CTTN: variants seen among roughly 807,000 people sequenced by gnomAD.
CTTN encodes src substrate cortactin.
Under a neutral mutation model 84.0 loss-of-function variants are expected in CTTN, and 28 were observed. The ratio of observed to expected loss-of-function variants is 0.33; its 90% CI spans 0.25 to 0.46. The LOEUF (loss-of-function observed/expected upper bound fraction) is 0.46. Among genes scored for constraint, CTTN ranks in the 20% least tolerant of loss-of-function variants. CTTN has a pLI of 1.00. For missense variants in CTTN, 641 were observed against 723.8 expected (o/e 0.89, Z 1.31); for synonymous variants, 301 against 288.8 (o/e 1.04, Z -0.43).
intron 1 of CTTN, among the ~76,000 whole-genome samples, chr11:70,401,305 CT>C (rs1276535862): frequency 1.5e-5 from 2 of 137,478 alleles, no homozygotes; most frequent in East Asian, 2.0e-4. Context: ...ACCGTCTCTA[CT>C]AAAAAAAAAA....
chr11:70,435,254 T>A lies in CTTN; in HGVS notation c.*92T>A. The A allele has an allele frequency of 1.0e-5, 2 of 196,684 alleles. No homozygotes were observed. Among genetic ancestry groups the A allele is most frequent in the Non-Finnish European group, 1.3e-5 (2 of 151,548 alleles). 12.2% of individuals were successfully genotyped at this position (196,684 alleles called of 1,614,324 possible). A position where few individuals can be genotyped will look rare whatever the true frequency, so the allele number is the denominator to read the frequency against. On this transcript the variant is annotated 3_prime_UTR_variant, in exon 18 of 18. Coordinates refer to ENST00000301843, the MANE Select transcript of CTTN (RefSeq NM_005231.4). ...CTTGGGTGGTTTTGGGTTTTTTCTG[T>A]TTTTTTTTTTTTTTTTTTTTTTTTG...
chr11:70,414,474 C>T (rs1429323556), intron 5 of CTTN, 68 bp from the exon 6 acceptor site: 2 of 1,181,928 alleles, frequency 1.7e-6, no homozygotes, highest in Admixed American at 1.7e-5. Context: ...CCCAGCCCTG[C>T]TCTGGGAGGA....
At chr11:70,417,173 C>A in intron 8 of CTTN, 50 bp downstream of exon 8, 1 of 1,389,680 alleles carries the variant, frequency 7.2e-7, no homozygotes, top group Non-Finnish European at 1.0e-6. Context: ...CAGAAACACC[C>A]ACGAGGGCAT....
At chr11:70,416,676 G>C in intron 7 of CTTN, 1 of 204,516 alleles carries the variant, frequency 4.9e-6, no homozygotes, top group East Asian at 1.2e-4. Flanking sequence ...CAAGTGATCC[G>C]CCCACCTCAG....
chr11:70,429,382 GTC>G (rs1234355719), intron 14 of CTTN, among the ~76,000 whole-genome samples, 183 bp downstream of exon 14: 1 of 152,194 alleles, frequency 6.6e-6, no homozygotes, highest in African/African-American at 2.4e-5. Context: ...CATAGGCTGA[GTC>G]TCTGGCCACA....
At chr11:70,434,430 G>A (rs149600949) in intron 17 of CTTN, among the ~76,000 whole-genome samples, 130 of 152,406 alleles carry the variant, frequency 8.5e-4, no homozygotes, top group African/African-American at 2.8e-3. Context: ...TGCCTCTTGA[G>A]TGCTTCCCGT....
intron 5 of CTTN, among the ~76,000 whole-genome samples, chr11:70,412,105 G>T (rs562834326): frequency 6.8e-4 from 104 of 152,300 alleles, no homozygotes; most frequent in African/African-American, 2.5e-3. Flanking sequence ...CTCAGCTCAG[G>T]TCAGCACCAT....
chr11:70,430,540 G>A lies in CTTN; in HGVS notation c.1177-651G>A, dbSNP rs1428830716. On this transcript the variant is annotated intron_variant, in intron 14 of 17. Transcript: ENST00000301843. ...TCTCAGGACCTTGTGATTACATTGG[G>A]TCCACCCAGGCAGTCCAGAGTTCTC... Among the ~76,000 whole-genome samples, 3 of 152,114 alleles carry A rather than the reference G, an allele frequency of 2.0e-5. No individual in the cohort carries two copies. The East Asian group carries it at 5.8e-4, about 29-fold the overall frequency.
chr11:70,424,796 C>T (rs1231137040), intron 12 of CTTN, among the ~76,000 whole-genome samples: 1 of 152,040 alleles, frequency 6.6e-6, no homozygotes, highest in African/African-American at 2.4e-5. Context: ...GTGTTCTCAT[C>T]AGAGGTAGTG....
chr11:70,432,252 G>A (rs1263906741), intron 15 of CTTN, among the ~76,000 whole-genome samples: 1 of 152,192 alleles, frequency 6.6e-6, no homozygotes, highest in Non-Finnish European at 1.5e-5. Flanking sequence ...CCCCTTGGCA[G>A]CCAGCGCCAT....
intron 16 of CTTN, 21 bp downstream of exon 16, chr11:70,433,299 A>G: frequency 6.3e-7 from 1 of 1,593,944 alleles, no homozygotes; most frequent in Non-Finnish European, 8.5e-7. Flanking sequence ...CCCACGCTGC[A>G]GCGCCCTGCC....
rs770726267 is a variant in CTTN at position 70,420,649 on chromosome 11, C to G, written c.790+139C>G. On this transcript the variant is annotated intron_variant, in intron 10 of 17. Coordinates refer to ENST00000301843, the MANE Select transcript of CTTN (RefSeq NM_005231.4). Reference sequence around the variant, plus strand: ...CACTGTTTGAAGTTGTCCTGTGTGCCCCCCCAATCCCCCAGTTCCCTCCAG... The same window carrying G: ...CACTGTTTGAAGTTGTCCTGTGTGCGCCCCCAATCCCCCAGTTCCCTCCAG... The G allele has an allele frequency of 6.8e-4, 459 of 678,104 alleles. 1 individual carries two copies. The highest frequency in any genetic ancestry group is 1.4e-3 in the Admixed American group (66 of 47,392). 42.0% of individuals were successfully genotyped at this position (678,104 alleles called of 1,614,324 possible).
intron 1 of CTTN, among the ~76,000 whole-genome samples, chr11:70,399,621 T>G (rs1027956927): frequency 6.6e-6 from 1 of 152,144 alleles, no homozygotes; most frequent in African/African-American, 2.4e-5. Flanking sequence ...GGCTTTCTGT[T>G]ACGTTTCCAT....
At position 70,405,346 on chromosome 11, in the gene CTTN, C is replaced by T. The variant is rs767112176; in HGVS notation, c.-16C>T. On this transcript the variant is annotated 5_prime_UTR_variant, in exon 2 of 18. Transcript: ENST00000301843. Reference sequence around the variant, plus strand: ...GAATTTCGTGAACAGCCTTTTATCTCCAAGCGGAAAGAAAGGTACTTGTGC... The same window carrying T: ...GAATTTCGTGAACAGCCTTTTATCTTCAAGCGGAAAGAAAGGTACTTGTGC... 12 of 152,160 alleles carry T rather than the reference C, an allele frequency of 7.9e-5. No individual in the cohort carries two copies. The highest frequency in any genetic ancestry group is 1.5e-4 in the Non-Finnish European group (10 of 68,040). The allele number at this position is 152,160 out of a possible 1,614,324, so 9.4% of individuals were successfully genotyped here.
chr11:70,422,835 T>C, intron 11 of CTTN, 105 bp from the exon 12 acceptor site: 1 of 1,577,812 alleles, frequency 6.3e-7, no homozygotes, highest in Admixed American at 1.8e-5. Flanking sequence ...CTTCCCGCTG[T>C]GGTGCACCTT....
At chr11:70,430,169 G>T (rs1349092499) in intron 14 of CTTN, among the ~76,000 whole-genome samples, 1 of 152,210 alleles carries the variant, frequency 6.6e-6, no homozygotes, top group Non-Finnish European at 1.5e-5. Flanking sequence ...TTAGAGCAAG[G>T]CCGCCTGCAG....
chr11:70,411,873 G>A (rs1213665784), intron 5 of CTTN, among the ~76,000 whole-genome samples: 3 of 152,114 alleles, frequency 2.0e-5, no homozygotes, highest in South Asian at 2.1e-4. Context: ...ACTCCCCTCC[G>A]GGCTGGGCTT....
chr11:70,433,478 G>T, intron 16 of CTTN, 169 bp from the exon 17 acceptor site: 1 of 760,442 alleles, frequency 1.3e-6, no homozygotes, highest in Non-Finnish European at 2.2e-6. Flanking sequence ...GTCCCAGGAA[G>T]ATCCCCATTG....
At chr11:70,418,346 T>C (rs778276448) in intron 8 of CTTN, among the ~76,000 whole-genome samples, 3 of 152,248 alleles carry the variant, frequency 2.0e-5, no homozygotes, top group Non-Finnish European at 4.4e-5. Context: ...CCATTCCTCC[T>C]CTTCCCGACA....
Sources: gnomAD v4.1 joint callset for allele counts (sites outside exome capture counted in the v4.1 genomes callset) on GRCh38, gnomAD v4.1.1 for gene constraint, MANE v1.5 for transcripts, NCBI Gene and HGNC (gene_info 2026-07-23, HGNC 2026-07-21) for gene names.